Variants in ANKHD1 observed in about 807,000 individuals in gnomAD.
ANKHD1 encodes the protein ankyrin repeat and KH domain containing 1.
ANKHD1 carries 31 observed loss-of-function variants against 230.5 expected under a neutral mutation model. That is an observed-to-expected ratio of 0.13 (90% CI 0.10 to 0.18). The LOEUF (loss-of-function observed/expected upper bound fraction) is 0.18, where lower values mean the gene tolerates loss of function less well. ANKHD1 is among the 10% of genes least tolerant of loss of function. The probability of loss-of-function intolerance (pLI) is 1.00; values close to 1 mark genes in which losing one functional copy is unlikely to be tolerated. For synonymous variants in ANKHD1, 1,074 were observed against 1,117.6 expected, an observed-to-expected ratio of 0.96 and a Z score of 0.78; for missense variants, 2,256 against 3,071.3, an observed-to-expected ratio of 0.73 and a Z score of 6.27.
intron 24 of ANKHD1, among the ~76,000 whole-genome samples, chr5:140,522,212 T>C (rs149110016): frequency 7.9e-5 from 12 of 152,358 alleles, no homozygotes; most frequent in African/African-American, 2.6e-4. Context: ...TGGAATCATA[T>C]AATATTTGGT....
chr5:140,487,195 A>G (rs1751548977), intron 14 of ANKHD1, 135 bp downstream of exon 14: 2 of 993,890 alleles, frequency 2.0e-6, no homozygotes, highest in Non-Finnish European at 2.7e-6. Context: ...AAATGCAAAT[A>G]GTCTTACTAT....
At chr5:140,537,661 CCT>C in intron 31 of ANKHD1, 72 bp downstream of exon 31, 3 of 1,463,496 alleles carry the variant, frequency 2.0e-6, no homozygotes, top group Non-Finnish European at 2.7e-6. Flanking sequence ...AAACTTAGTT[CCT>C]TAGAAAAAAC....
At chr5:140,432,731 C>T (rs575600318) in intron 1 of ANKHD1, among the ~76,000 whole-genome samples, 9 of 151,924 alleles carry the variant, frequency 5.9e-5, no homozygotes, top group African/African-American at 2.2e-4. Context: ...TTTTAAGAGA[C>T]AGTGTCTTGC....
chr5:140,531,220 T>G (rs1753800341), intron 29 of ANKHD1: 2 of 354,934 alleles, frequency 5.6e-6, no homozygotes, highest in African/African-American at 2.2e-5. Context: ...TCTTAACTGC[T>G]TGTATGGTTT....
chr5:140,467,990 A>G (rs1268583540), intron 10 of ANKHD1, among the ~76,000 whole-genome samples: 3 of 143,088 alleles, frequency 2.1e-5, no homozygotes, highest in Non-Finnish European at 3.0e-5. Flanking sequence ...TGCAGTGGAG[A>G]TGTATTTCAT....
chr5:140,513,806 CAAAAA>C (rs35403532), intron 24 of ANKHD1, among the ~76,000 whole-genome samples: 2 of 118,242 alleles, frequency 1.7e-5, no homozygotes, highest in African/African-American at 3.3e-5. Flanking sequence ...GAGACTGTCT[CAAAAA>C]AAAAAAAAAA....
At chr5:140,494,804 A>G (rs1456094297) in intron 14 of ANKHD1, among the ~76,000 whole-genome samples, 1 of 152,198 alleles carries the variant, frequency 6.6e-6, no homozygotes, top group Non-Finnish European at 1.5e-5. Flanking sequence ...AAAATTCCCA[A>G]ATTACCTATG....
At chr5:140,456,994 C>T (rs567113601) in intron 7 of ANKHD1, among the ~76,000 whole-genome samples, 1 of 152,146 alleles carries the variant, frequency 6.6e-6, no homozygotes, top group African/African-American at 2.4e-5. Flanking sequence ...CTACAATGAA[C>T]TCAAACAAAT....
chr5:140,403,722 T>A (rs905319688), intron 1 of ANKHD1, among the ~76,000 whole-genome samples: 1 of 152,188 alleles, frequency 6.6e-6, no homozygotes, highest in Non-Finnish European at 1.5e-5. Context: ...GTACCGTGAT[T>A]GTTTTAAGTG....
At chr5:140,408,807 C>G (rs1347706051) in intron 1 of ANKHD1, among the ~76,000 whole-genome samples, 5 of 152,154 alleles carry the variant, frequency 3.3e-5, no homozygotes. Context: ...TGGTCTCCCA[C>G]TCCTGGGCTC....
At chr5:140,417,551 C>T (rs1430302900) in intron 1 of ANKHD1, among the ~76,000 whole-genome samples, 1 of 151,892 alleles carries the variant, frequency 6.6e-6, no homozygotes, top group African/African-American at 2.4e-5. Flanking sequence ...AGAGCTCAAG[C>T]CATCCTCCCA....
At chr5:140,423,418 T>C (rs1037987332) in intron 1 of ANKHD1, among the ~76,000 whole-genome samples, 2 of 152,154 alleles carry the variant, frequency 1.3e-5, no homozygotes, top group African/African-American at 2.4e-5. Flanking sequence ...CTTCAGGAGA[T>C]TGATGGGCTC....
In ANKHD1 at chr5:140,445,787, T is replaced by C. The variant is rs1295575173; in HGVS notation, c.959T>C (p.Ile320Thr). The change falls in exon 6 of 34, where the codon ATT becomes ACT. Residue 320 changes from isoleucine to threonine, a missense_variant. By Grantham distance (89) the Ile-to-Thr change is moderately conservative. Transcript: ENST00000360839. Reference protein sequence around the residue: ...TYACAGGFVDIVKVLLNEGAN... With the variant: ...TYACAGGFVDTVKVLLNEGAN... ...GCATGTGCTGGAGGATTTGTTGACATTGTTAAAGTGCTCCTTAATGAAGGT... is the reference window on the plus strand; with the variant it reads ...GCATGTGCTGGAGGATTTGTTGACACTGTTAAAGTGCTCCTTAATGAAGGT... The C allele has an allele frequency of 6.2e-7, 1 of 1,612,592 alleles. No homozygotes were observed. Among genetic ancestry groups the C allele is most frequent in the African/African-American group, 1.3e-5 (1 of 74,890 alleles).
chr5:140,426,728 A>G (rs944058259), intron 1 of ANKHD1, among the ~76,000 whole-genome samples: 2 of 152,132 alleles, frequency 1.3e-5, no homozygotes, highest in African/African-American at 2.4e-5. Context: ...CTTAAAGAGC[A>G]TGCTGCCTTC....
intron 24 of ANKHD1, among the ~76,000 whole-genome samples, chr5:140,515,201 C>G (rs1305654414): frequency 6.6e-6 from 1 of 151,350 alleles, no homozygotes; most frequent in East Asian, 1.9e-4. Flanking sequence ...TTGTTTGAAC[C>G]CGGGAGGCAG....
At chr5:140,525,082 C>A in intron 25 of ANKHD1, 1 of 157,608 alleles carries the variant, frequency 6.3e-6, no homozygotes, top group Non-Finnish European at 1.4e-5. Context: ...CGCCATTGCA[C>A]TCCAGCCTGG....
In ANKHD1 at chr5:140,539,441, G is replaced by C. The variant is rs1392295538; in HGVS notation, c.*23G>C. ...TAAGTTAGAAGGTCTTTACTCTTTA[G>C]CCTTGTTTAAGAAACCTATGACCTT... On this transcript the variant is annotated 3_prime_UTR_variant, in exon 34 of 34. Coordinates refer to ENST00000360839, the MANE Select transcript of ANKHD1 (RefSeq NM_017747.3). The C allele has an allele frequency of 1.2e-6, 2 of 1,606,236 alleles. No homozygotes were observed. The highest frequency in any genetic ancestry group is 1.3e-5 in the African/African-American group (1 of 74,476).
At chr5:140,468,609 T>C (rs1293908460) in intron 10 of ANKHD1, among the ~76,000 whole-genome samples, 2 of 152,220 alleles carry the variant, frequency 1.3e-5, no homozygotes, top group African/African-American at 4.8e-5. Flanking sequence ...TCCTCTTTTA[T>C]AAGATTTTTT....
At chr5:140,519,848 C>T (rs923675058) in intron 24 of ANKHD1, among the ~76,000 whole-genome samples, 3 of 151,896 alleles carry the variant, frequency 2.0e-5, no homozygotes, top group African/African-American at 7.3e-5. Context: ...TAGGCATTAC[C>T]ATTCAGGACA....
Sources: gnomAD v4.1 joint callset for allele counts (sites outside exome capture counted in the v4.1 genomes callset) on GRCh38, gnomAD v4.1.1 for gene constraint, MANE v1.5 for transcripts, NCBI Gene and HGNC (gene_info 2026-07-23, HGNC 2026-07-21) for gene names.